Variants in IRAK1BP1 observed in about 807,000 individuals in gnomAD.
IRAK1BP1 encodes interleukin 1 receptor associated kinase 1 binding protein 1, also known as interleukin-1 receptor-associated kinase 1-binding protein 1.
In IRAK1BP1, 24 loss-of-function variants were observed where a neutral mutation model predicts 28.0. That is an observed-to-expected ratio of 0.86 (90% CI 0.62 to 1.20). The LOEUF (loss-of-function observed/expected upper bound fraction) is 1.20, where lower values mean the gene tolerates loss of function less well. Ranked by LOEUF, IRAK1BP1 falls within the 50% of genes most tolerant of loss-of-function variation. The probability of loss-of-function intolerance (pLI) is 0.00; values close to 1 mark genes in which losing one functional copy is unlikely to be tolerated. For synonymous variants in IRAK1BP1, 131 were observed against 116.3 expected (o/e 1.13, Z -0.81); for missense variants, 336 against 316.7 (o/e 1.06, Z -0.46).
At chr6:78,957,387 T>C in the IRAK1BP1 span, 4 of 151,944 alleles carry the variant, frequency 2.6e-5, no homozygotes, top group East Asian at 1.9e-4. Context: ...ATAGCAATAA[T>C]AGCCCCCAAA....
At chr6:78,978,795 A>AT in the IRAK1BP1 span, 1 of 1,107,590 alleles carries the variant, frequency 9.0e-7, no homozygotes, top group Non-Finnish European at 1.3e-6. Context: ...AACTATAAAG[A>AT]TAATTAAATA....
rs1024789587 is a variant in IRAK1BP1 at position 78,909,354 on chromosome 6, C to T, written c.*67+6244C>T. ...CATAATCTCATGGTGAATCAAGGAG[C>T]AGTTGTATCAGATTGGCCTGAAGCT... On this transcript the variant is annotated intron_variant and NMD_transcript_variant, in intron 4 of 4. Coordinates refer to the IRAK1BP1 transcript ENST00000606868. 2.0e-5 allele frequency among the ~76,000 whole-genome samples: 3 copies of T among 152,182 alleles called. No individual in the cohort carries two copies. In the East Asian group the frequency reaches 5.8e-4, roughly 29 times the overall value.
the IRAK1BP1 span, chr6:78,965,707 AT>A: frequency 6.5e-7 from 1 of 1,529,678 alleles, no homozygotes; most frequent in Non-Finnish European, 9.0e-7. Flanking sequence ...ACTTACCATT[AT>A]TAGGTATAAG....
At chr6:78,874,317 C>T (rs187702125) in intron 1 of IRAK1BP1, among the ~76,000 whole-genome samples, 205 of 152,246 alleles carry the variant, frequency 1.3e-3, no homozygotes, top group Non-Finnish European at 1.9e-3. Context: ...AAACCTATTA[C>T]GGCTTACCCT....
chr6:78,874,106 A>G (rs1049385546), intron 1 of IRAK1BP1, among the ~76,000 whole-genome samples: 2 of 152,208 alleles, frequency 1.3e-5, no homozygotes, highest in Non-Finnish European at 2.9e-5. Context: ...ATCTTATACC[A>G]TAGCTTAAAA....
the IRAK1BP1 span, among the ~76,000 whole-genome samples, chr6:78,964,986 G>T: frequency 1.3e-5 from 2 of 152,118 alleles, no homozygotes; most frequent in African/African-American, 4.8e-5. Context: ...GAAGTGGAAA[G>T]AAAATATAAT....
downstream of IRAK1BP1, chr6:78,946,968 A>G (rs1773855774): frequency 3.0e-6 from 2 of 674,642 alleles, no homozygotes; most frequent in Admixed American, 3.4e-5. Context: ...CCAGTAAAAA[A>G]TATTTAGAAT....
At chr6:78,875,617 A>C (rs1464258527) in intron 1 of IRAK1BP1, among the ~76,000 whole-genome samples, 1 of 152,192 alleles carries the variant, frequency 6.6e-6, no homozygotes, top group Non-Finnish European at 1.5e-5. Flanking sequence ...ATCCTACCCC[A>C]GTGCAGAAAC....
chr6:78,946,353 T>C lies in IRAK1BP1; in HGVS notation c.*1013T>C, dbSNP rs1773818246. The C allele has an allele frequency of 9.9e-6, 14 of 1,417,288 alleles. No homozygotes were observed. In the Middle Eastern group the frequency reaches 6.6e-4, roughly 66 times the overall value. 87.8% of individuals were successfully genotyped at this position (1,417,288 alleles called of 1,614,324 possible). A position where few individuals can be genotyped will look rare whatever the true frequency, so the allele number is the denominator to read the frequency against. On this transcript the variant is annotated 3_prime_UTR_variant and NMD_transcript_variant, in exon 5 of 5. Coordinates refer to the IRAK1BP1 transcript ENST00000606868. The stretch of plus-strand genomic sequence containing the variant: ...ATTTTTGGATTCAATATTTGTACTA[T>C]TATGAAATATGTTAAAATATGAGAT...
intron 1 of IRAK1BP1, among the ~76,000 whole-genome samples, chr6:78,869,042 T>A (rs1030295633): frequency 2.6e-5 from 4 of 152,236 alleles, no homozygotes; most frequent in African/African-American, 9.6e-5. Context: ...TGGACAAGAT[T>A]TCTTCAAATG....
intron 1 of IRAK1BP1, among the ~76,000 whole-genome samples, chr6:78,875,842 C>A (rs1415826909): frequency 6.6e-6 from 1 of 152,060 alleles, no homozygotes; most frequent in African/African-American, 2.4e-5. Context: ...CAAACATGCA[C>A]ATGTACCTTC....
At chr6:78,883,790 G>A (rs945781093) in intron 1 of IRAK1BP1, among the ~76,000 whole-genome samples, 1 of 152,240 alleles carries the variant, frequency 6.6e-6, no homozygotes, top group Non-Finnish European at 1.5e-5. Flanking sequence ...TCTGAGTAGC[G>A]TGATGAAATC....
chr6:78,970,938 C>T, the IRAK1BP1 span: 1 of 1,226,618 alleles, frequency 8.2e-7, no homozygotes, highest in Non-Finnish European at 1.2e-6. Flanking sequence ...TCCTTTAATC[C>T]AATATACAGG....
chr6:78,891,463 A>ATT lies in IRAK1BP1; in HGVS notation c.381+6034_381+6035dup, dbSNP rs201905833. ...TGTTATAACCTTAGTGTTTAGAGGA[A>ATT]TTTTTTTTTTTTTTTGAGACGAAGT... On this transcript the variant is annotated intron_variant, in intron 2 of 3. Coordinates refer to ENST00000369940, the MANE Select transcript of IRAK1BP1 (RefSeq NM_001010844.4). 9.9e-3 allele frequency among the ~76,000 whole-genome samples: 1,443 copies of ATT among 145,590 alleles called. 24 individuals are homozygous for ATT. Among genetic ancestry groups the ATT allele is most frequent in the African/African-American group, 0.033 (1,300 of 39,592 alleles).
intron 2 of IRAK1BP1, among the ~76,000 whole-genome samples, chr6:78,890,543 C>T (rs142715825): frequency 1.3e-5 from 2 of 151,982 alleles, no homozygotes; most frequent in Non-Finnish European, 2.9e-5. Flanking sequence ...GGGTGCCCAG[C>T]GCAATGAACA....
At chr6:78,955,720 C>A in the IRAK1BP1 span, 1 of 696,206 alleles carries the variant, frequency 1.4e-6, no homozygotes, top group Non-Finnish European at 2.5e-6. Context: ...AAGATTAGAA[C>A]CATGATAATT....
chr6:78,952,650 CACTT>C, the IRAK1BP1 span, among the ~76,000 whole-genome samples: 2 of 152,040 alleles, frequency 1.3e-5, no homozygotes, highest in Admixed American at 6.6e-5. Context: ...TAGATCTTTA[CACTT>C]ACTATCTCTT....
At chr6:78,977,972 A>C in the IRAK1BP1 span, among the ~76,000 whole-genome samples, 2 of 152,180 alleles carry the variant, frequency 1.3e-5, no homozygotes, top group Non-Finnish European at 2.9e-5. Context: ...TCTGTTGGAC[A>C]CCAGATAACA....
intron 4 of IRAK1BP1, among the ~76,000 whole-genome samples, chr6:78,917,649 A>AT (rs1373975522): frequency 4.3e-4 from 65 of 151,738 alleles, no homozygotes; most frequent in Admixed American, 2.1e-3. Flanking sequence ...AAAAAAAAAA[A>AT]AAAAAAATCT....
Sources: gnomAD v4.1 joint callset for allele counts (sites outside exome capture counted in the v4.1 genomes callset) on GRCh38, gnomAD v4.1.1 for gene constraint, MANE v1.5 for transcripts, NCBI Gene and HGNC (gene_info 2026-07-23, HGNC 2026-07-21) for gene names.